ALPK3: variants seen among roughly 807,000 people sequenced by gnomAD.
ALPK3 encodes the protein alpha kinase 3.
ALPK3 carries 102 observed loss-of-function variants against 140.0 expected under a neutral mutation model. The ratio of observed to expected loss-of-function variants is 0.73; its 90% CI spans 0.62 to 0.86. The LOEUF (loss-of-function observed/expected upper bound fraction) is 0.86, where lower values mean the gene tolerates loss of function less well. Among genes scored for constraint, ALPK3 ranks in the 40% least tolerant of loss-of-function variants. The pLI is 0.00. For missense variants in ALPK3, 2,254 were observed against 2,208.2 expected (o/e 1.02, Z -0.42); for synonymous variants, 938 against 898.5 (o/e 1.04, Z -0.79).
chr15:84,835,757 T>G (rs749978510), intron 3 of ALPK3, among the ~76,000 whole-genome samples: 1 of 152,178 alleles, frequency 6.6e-6, no homozygotes, highest in Non-Finnish European at 1.5e-5. Flanking sequence ...TGAGTTCAGG[T>G]GCCACTCACT....
intron 12 of ALPK3, among the ~76,000 whole-genome samples, chr15:84,865,067 G>A (rs1296224939): frequency 6.6e-6 from 1 of 152,004 alleles, no homozygotes; most frequent in Non-Finnish European, 1.5e-5. Flanking sequence ...TTCCATTTTA[G>A]CCCAGTAGCT....
chr15:84,859,680 G>C, intron 7 of ALPK3, 96 bp from the exon 8 acceptor site: 6 of 1,460,004 alleles, frequency 4.1e-6, no homozygotes, highest in Non-Finnish European at 5.4e-6. Flanking sequence ...CAGAGCTGGG[G>C]TTCACAGCAG....
chr15:84,840,151 G>A lies in ALPK3; in HGVS notation c.872G>A (p.Gly291Asp), dbSNP rs781252134. ...APENGEDGEH[G>D]LLTYICDAME... Reference sequence around the variant, plus strand: ...GAGAATGGAGAGGACGGAGAGCATGGCTTGCTGACATACATCTGTGACGCC... The same window carrying A: ...GAGAATGGAGAGGACGGAGAGCATGACTTGCTGACATACATCTGTGACGCC... Residue 291 changes from glycine (G) to aspartate (D), a missense_variant, in exon 5 of 14, where the codon GGC (glycine) becomes GAC (aspartate). By Grantham distance (94) the Gly-to-Asp change is moderately conservative (BLOSUM62 -1). Around this residue, in one of 3 missense-constraint regions of ALPK3, gnomAD observed 2,088 missense variants for 2,022.9 expected, o/e 1.03. Transcript: ENST00000258888. The A allele has an allele frequency of 1.2e-6, 2 of 1,613,972 alleles. No individual in the cohort carries two copies. Among genetic ancestry groups the A allele is most frequent in the Non-Finnish European group, 1.7e-6 (2 of 1,179,960 alleles).
At chr15:84,817,736 A>G in intron 1 of ALPK3, 141 bp downstream of exon 1, 3 of 1,122,008 alleles carry the variant, frequency 2.7e-6, no homozygotes, top group Non-Finnish European at 3.5e-6. Flanking sequence ...GGGCCTGGGG[A>G]CATGGCCGGG....
intron 2 of ALPK3, among the ~76,000 whole-genome samples, chr15:84,824,178 A>G (rs1285464514): frequency 6.6e-6 from 1 of 152,120 alleles, no homozygotes; most frequent in East Asian, 1.9e-4. Flanking sequence ...GTTCCTCCCC[A>G]TCCCTGAAGA....
rs1963388136 is a variant in ALPK3 at position 84,818,603 on chromosome 15, C to T, written c.143+1008C>T. The stretch of plus-strand genomic sequence containing the variant: ...TCCAGAGACCTCTTGTTCTCCATTC[C>T]TAAAACAGCATAAAAACAGGCATCG... On this transcript the variant is annotated intron_variant, in intron 1 of 13. Transcript: ENST00000258888. Among the ~76,000 whole-genome samples the T allele has an allele frequency of 2.0e-5, 3 of 152,182 alleles. No individual in the cohort carries two copies. The South Asian group carries it at 6.2e-4, about 31-fold the overall frequency.
intron 6 of ALPK3, 50 bp downstream of exon 6, chr15:84,858,605 A>G (rs1963900460): frequency 6.6e-7 from 1 of 1,516,978 alleles, no homozygotes; most frequent in Non-Finnish European, 8.8e-7. Flanking sequence ...GGGCCACAGA[A>G]AGCACACTGC....
chr15:84,858,443 A>G lies in ALPK3; in HGVS notation c.3705A>G (p.Ala1235=). 1 of 1,566,520 alleles carries G rather than the reference A, an allele frequency of 6.4e-7. No individual in the cohort carries two copies. Among genetic ancestry groups the G allele is most frequent in the Non-Finnish European group, 8.6e-7 (1 of 1,159,358 alleles). Residue 1235 remains alanine, a synonymous_variant, in exon 6 of 14, where the codon GCA becomes GCG. Transcript: ENST00000258888. ...CTCGGGCAGAGGAGGAGCTGGCGGC[A>G]GGAGACCTGGGCCCCAGCCCCAAGG... is the stretch of plus-strand genomic sequence containing the variant. ...EVPRAEEELA[A]GDLGPSPKAG...
chr15:84,825,813 C>T (rs369668724), intron 2 of ALPK3, among the ~76,000 whole-genome samples: 4 of 152,154 alleles, frequency 2.6e-5, no homozygotes, highest in South Asian at 2.1e-4. Context: ...CAGCAAGAAA[C>T]GTTTTCAGAT....
At chr15:84,845,515 C>T (rs561466132) in intron 5 of ALPK3, among the ~76,000 whole-genome samples, 3 of 152,162 alleles carry the variant, frequency 2.0e-5, no homozygotes, top group South Asian at 2.1e-4. Flanking sequence ...TGGGGGAAAC[C>T]GTGGAAAGGG....
chr15:84,838,540 G>A (rs1963619472), intron 3 of ALPK3, among the ~76,000 whole-genome samples: 1 of 151,954 alleles, frequency 6.6e-6, no homozygotes, highest in South Asian at 2.1e-4. Flanking sequence ...CCTGGGGCAG[G>A]TGGTCCTGTC....
At position 84,817,471 on chromosome 15, in the gene ALPK3, C is replaced by A. The variant is rs1963372992; in HGVS notation, c.19C>A (p.Pro7Thr). ...CGGTGCCATGGGGTCGCGGAGGGCC[C>A]CCAGCCGGGGCTGGGGCGCGGGTGG... MGSRRA[P>T]SRGWGAGGRS... Residue 7 changes from proline (P) to threonine (T), a missense_variant, in exon 1 of 14, where the codon CCC (proline) becomes ACC (threonine). Pro to Thr is a conservative substitution (Grantham distance 38). Coordinates refer to ENST00000258888, the MANE Select transcript of ALPK3 (RefSeq NM_020778.5). 1.4e-6 allele frequency: 2 copies of A among 1,382,030 alleles called. No homozygotes were observed. Among genetic ancestry groups the A allele is most frequent in the African/African-American group, 3.0e-5 (2 of 65,740 alleles). 85.6% of individuals were successfully genotyped at this position (1,382,030 alleles called of 1,614,324 possible). A position where few individuals can be genotyped will look rare whatever the true frequency, so the allele number is the denominator to read the frequency against.
chr15:84,857,843 T>A lies in ALPK3; in HGVS notation c.3105T>A (p.Cys1035Ter). The A allele has an allele frequency of 6.2e-7, 1 of 1,611,808 alleles. No homozygotes were observed. Among genetic ancestry groups the A allele is most frequent in the East Asian group, 2.2e-5 (1 of 44,822 alleles). ...CACAGACCCTGCTGCTGAGCCCCTG[T>A]ACCTCCCGCCGCCTCACCGGCCTCC... ...QSAQTLLLSP[C>*]TSRRLTGLLD... Residue 1035 changes from cysteine (C) to a stop codon, truncating the protein, a stop_gained, in exon 6 of 14, where the codon TGT (cysteine) becomes TGA (stop). Transcript: ENST00000258888. LOFTEE classifies it high-confidence loss of function.
intron 2 of ALPK3, among the ~76,000 whole-genome samples, chr15:84,826,870 T>C (rs1389028275): frequency 1.3e-5 from 2 of 152,190 alleles, no homozygotes; most frequent in African/African-American, 4.8e-5. Flanking sequence ...GGGTCTCTCC[T>C]TTCTGATACC....
At chr15:84,827,313 C>T (rs1260452090) in intron 2 of ALPK3, among the ~76,000 whole-genome samples, 171 bp from the exon 3 acceptor site, 1 of 152,234 alleles carries the variant, frequency 6.6e-6, no homozygotes, top group Non-Finnish European at 1.5e-5. Flanking sequence ...TACCTGGCCC[C>T]AGCCTGGCCA....
chr15:84,857,703 G>A lies in ALPK3; in HGVS notation c.2965G>A (p.Gly989Arg), dbSNP rs115074675. 1.2e-4 allele frequency: 188 copies of A among 1,611,472 alleles called. No individual in the cohort carries two copies. In the African/African-American group the frequency reaches 1.8e-3, roughly 15 times the overall value. The change falls in exon 6 of 14, where the codon GGA (glycine) becomes AGA (arginine). Residue 989 changes from glycine to arginine, a missense_variant. Gly to Arg is a moderately radical substitution (Grantham distance 125). Coordinates refer to ENST00000258888, the MANE Select transcript of ALPK3 (RefSeq NM_020778.5). ...GGESQVGAAT[G>R]GLVPSATLTP... ...AGAGTCCCAGGTGGGGGCAGCCACC[G>A]GAGGTCTGGTGCCCTCAGCCACTCT... is the stretch of plus-strand genomic sequence containing the variant.
intron 1 of ALPK3, 36 bp downstream of exon 1, chr15:84,817,631 G>A (rs751510476): frequency 2.7e-6 from 4 of 1,467,514 alleles, no homozygotes; most frequent in Non-Finnish European, 3.6e-6. Flanking sequence ...GCGTCGGGCC[G>A]GCGATGCCCT....
chr15:84,849,458 C>A (rs1163648304), intron 5 of ALPK3, among the ~76,000 whole-genome samples: 1 of 152,142 alleles, frequency 6.6e-6, no homozygotes, highest in Admixed American at 6.6e-5. Flanking sequence ...CAACAGAATA[C>A]TCATTCTTTT....
intron 1 of ALPK3, among the ~76,000 whole-genome samples, chr15:84,821,764 A>G (rs1596144883): frequency 6.6e-6 from 1 of 151,916 alleles, no homozygotes; most frequent in South Asian, 2.1e-4. Flanking sequence ...ATAGAACAGC[A>G]GTTAAATACC....
Sources: allele counts gnomAD v4.1 joint callset (sites outside exome capture counted in the v4.1 genomes callset), GRCh38; gene constraint gnomAD v4.1.1; regional missense constraint gnomAD v4.1.1; transcripts MANE v1.5; gene names NCBI Gene and HGNC (gene_info 2026-07-23, HGNC 2026-07-21).